AUTS2: variants seen among roughly 807,000 people sequenced by gnomAD.
AUTS2 encodes activator of transcription and developmental regulator AUTS2.
In AUTS2, 17 loss-of-function variants were observed where a neutral mutation model predicts 112.4. The ratio of observed to expected loss-of-function variants is 0.15; its 90% CI spans 0.10 to 0.23. The LOEUF (loss-of-function observed/expected upper bound fraction) is 0.23, where lower values mean the gene tolerates loss of function less well. Ranked by LOEUF, AUTS2 falls within the 10% of genes least tolerant of loss-of-function variation. AUTS2 has a pLI of 1.00. For missense variants in AUTS2, 1,510 were observed against 1,701.6 expected, an observed-to-expected ratio of 0.89 and a Z score of 1.98; for synonymous variants, 751 against 702.7, an observed-to-expected ratio of 1.07 and a Z score of -1.09.
At position 70,278,134 on chromosome 7, in the gene AUTS2, C is replaced by T. The variant is rs190307925; in HGVS notation, c.660+143563C>T. ...TGCACATTACAGACGTTTGTGGGTA[C>T]TTTTATTTCATTATCCTCAAGCAAG... On this transcript the variant is annotated intron_variant, in intron 4 of 18. Coordinates refer to ENST00000342771, the MANE Select transcript of AUTS2 (RefSeq NM_015570.4). Among the ~76,000 whole-genome samples the T allele has an allele frequency of 8.6e-3, 1,303 of 152,126 alleles. 12 individuals are homozygous for T. The highest frequency in any genetic ancestry group is 0.02 in the Middle Eastern group (6 of 294).
At chr7:70,732,656 G>T (rs1050098485) in intron 6 of AUTS2, among the ~76,000 whole-genome samples, 5 of 152,134 alleles carry the variant, frequency 3.3e-5, no homozygotes, top group African/African-American at 1.2e-4. Flanking sequence ...TCTTCCTGAT[G>T]AGTTGGCCCA....
intron 4 of AUTS2, among the ~76,000 whole-genome samples, chr7:70,267,861 G>A (rs1787508522): frequency 6.6e-6 from 1 of 152,164 alleles, no homozygotes; most frequent in African/African-American, 2.4e-5. Flanking sequence ...GGCAGGGATT[G>A]CTTTTCCCCC....
intron 1 of AUTS2, among the ~76,000 whole-genome samples, chr7:69,836,841 G>T (rs377735439): frequency 6.6e-6 from 1 of 152,170 alleles, no homozygotes; most frequent in Non-Finnish European, 1.5e-5. Context: ...GCTATAGTGT[G>T]TGTGAAGTTG....
chr7:70,220,687 T>G (rs991875076), intron 4 of AUTS2, among the ~76,000 whole-genome samples: 1 of 152,194 alleles, frequency 6.6e-6, no homozygotes, highest in African/African-American at 2.4e-5. Context: ...AAAAAGGCTG[T>G]GGACCTTTGA....
intron 1 of AUTS2, among the ~76,000 whole-genome samples, chr7:69,762,063 G>A (rs1788207243): frequency 2.6e-5 from 4 of 152,084 alleles, no homozygotes; most frequent in Admixed American, 2.6e-4. Flanking sequence ...AAATTACAAT[G>A]TTCACTATTT....
At chr7:70,273,227 A>C (rs1434904474) in intron 4 of AUTS2, among the ~76,000 whole-genome samples, 1 of 152,062 alleles carries the variant, frequency 6.6e-6, no homozygotes, top group African/African-American at 2.4e-5. Flanking sequence ...ATGTTTTTGT[A>C]GAGACAGGAT....
intron 4 of AUTS2, among the ~76,000 whole-genome samples, chr7:70,229,100 T>C (rs1194391871): frequency 6.6e-6 from 1 of 151,964 alleles, no homozygotes; most frequent in Non-Finnish European, 1.5e-5. Flanking sequence ...CTTTTTTAAA[T>C]CGTTAGAGAC....
chr7:69,911,747 A>G (rs539632841), intron 2 of AUTS2, among the ~76,000 whole-genome samples: 4 of 152,056 alleles, frequency 2.6e-5, no homozygotes, highest in Non-Finnish European at 5.9e-5. Context: ...ATGTGCTTAG[A>G]AGGGAAGAAG....
chr7:70,670,653 T>C (rs528461092), intron 5 of AUTS2, among the ~76,000 whole-genome samples: 1 of 134,096 alleles, frequency 7.5e-6, no homozygotes, highest in Non-Finnish European at 1.6e-5. Flanking sequence ...CAGCCTTGGC[T>C]GACACCTCCA....
At chr7:70,643,132 A>G (rs1805938963) in intron 5 of AUTS2, among the ~76,000 whole-genome samples, 2 of 152,350 alleles carry the variant, frequency 1.3e-5, no homozygotes, top group Admixed American at 1.3e-4. Flanking sequence ...TTCCAAGATT[A>G]TGTCCACTCT....
At chr7:70,381,845 A>G (rs1793380464) in intron 4 of AUTS2, among the ~76,000 whole-genome samples, 1 of 152,022 alleles carries the variant, frequency 6.6e-6, no homozygotes, top group South Asian at 2.1e-4. Flanking sequence ...TTATTTTTAT[A>G]TTGCACTCCC....
At chr7:70,474,459 G>T (rs939638496) in intron 5 of AUTS2, among the ~76,000 whole-genome samples, 1 of 152,120 alleles carries the variant, frequency 6.6e-6, no homozygotes, top group Non-Finnish European at 1.5e-5. Flanking sequence ...GGTCCTCATT[G>T]CTCCCTAAAA....
chr7:70,154,917 A>G (rs1465449769), intron 4 of AUTS2, among the ~76,000 whole-genome samples: 1 of 152,046 alleles, frequency 6.6e-6, no homozygotes, highest in Admixed American at 6.6e-5. Context: ...TTGTAGCATC[A>G]TATGTTTGAC....
intron 5 of AUTS2, among the ~76,000 whole-genome samples, chr7:70,580,303 G>C (rs1802374491): frequency 6.6e-6 from 1 of 152,178 alleles, no homozygotes; most frequent in South Asian, 2.1e-4. Flanking sequence ...CTGCTGAATG[G>C]GAATGGGGTA....
intron 1 of AUTS2, among the ~76,000 whole-genome samples, chr7:69,640,084 T>C (rs1227169941): frequency 6.6e-6 from 1 of 152,234 alleles, no homozygotes; most frequent in Admixed American, 6.5e-5. Flanking sequence ...CCTTGAATTA[T>C]TATTTTTATA....
intron 5 of AUTS2, among the ~76,000 whole-genome samples, chr7:70,531,031 C>A (rs1387389067): frequency 1.3e-5 from 2 of 152,174 alleles, no homozygotes; most frequent in East Asian, 3.9e-4. Flanking sequence ...CAGACTTGAG[C>A]AGCTGTGACA....
chr7:70,445,386 G>T (rs779774507), intron 5 of AUTS2, among the ~76,000 whole-genome samples: 6 of 152,104 alleles, frequency 3.9e-5, no homozygotes, highest in Non-Finnish European at 7.3e-5. Context: ...TCACCTACTT[G>T]TGCTGCAAGA....
intron 4 of AUTS2, among the ~76,000 whole-genome samples, chr7:70,337,258 A>G (rs1391428619): frequency 6.6e-6 from 1 of 152,242 alleles, no homozygotes. Context: ...AATTAATGCC[A>G]TTGATCTGCC....
chr7:70,624,287 C>T (rs1303273717), intron 5 of AUTS2, among the ~76,000 whole-genome samples: 3 of 152,160 alleles, frequency 2.0e-5, no homozygotes, highest in Admixed American at 6.5e-5. Context: ...ATGTGACCCA[C>T]TGTTTTACAT....
Sources: allele counts gnomAD v4.1 joint callset (sites outside exome capture counted in the v4.1 genomes callset), GRCh38; gene constraint gnomAD v4.1.1; transcripts MANE v1.5; gene names NCBI Gene and HGNC (gene_info 2026-07-23, HGNC 2026-07-21).